RABEP1: variants seen among roughly 807,000 people sequenced by gnomAD.
The protein encoded by RABEP1 is rab GTPase-binding effector protein 1.
In RABEP1, 51 loss-of-function variants were observed where a neutral mutation model predicts 123.4. The observed-to-expected ratio is 0.41, with a 90% CI of 0.33 to 0.52. RABEP1 has a LOEUF of 0.52. Ranked by LOEUF, RABEP1 falls within the 20% of genes least tolerant of loss-of-function variation. The pLI, the probability that RABEP1 is intolerant of heterozygous loss-of-function variation, is 0.16. For missense variants in RABEP1, 888 were observed against 996.3 expected (o/e 0.89, Z 1.46); for synonymous variants, 347 against 355.2 (o/e 0.98, Z 0.26).
intron 2 of RABEP1, among the ~76,000 whole-genome samples, chr17:5,322,901 T>C (rs1324686061): frequency 3.9e-5 from 6 of 152,068 alleles, no homozygotes; most frequent in Admixed American, 3.9e-4. Context: ...ATGGTGAAAC[T>C]CCGTCTTTAC....
chr17:5,344,106 T>C (rs953495982), intron 5 of RABEP1, among the ~76,000 whole-genome samples: 10 of 152,202 alleles, frequency 6.6e-5, no homozygotes, highest in Admixed American at 3.3e-4. Flanking sequence ...AGCTACAGAC[T>C]ATAAGAAGAT....
In RABEP1 at chr17:5,377,112, C is replaced by G; in HGVS notation, c.2026-4C>G. 6.3e-7 allele frequency: 1 copy of G among 1,587,442 alleles called. No homozygotes were observed. Among genetic ancestry groups the G allele is most frequent in the Admixed American group, 2.0e-5 (1 of 50,948 alleles). On this transcript the variant is annotated splice_region_variant and splice_polypyrimidine_tract_variant and intron_variant, in intron 13 of 17. Transcript: ENST00000537505. ...CCCAATAATCATTTGTTTCTTGAAT[C>G]CAGGCACTGCGGGAGTTGGTATTAA...
chr17:5,371,660 T>C (rs559653828), intron 12 of RABEP1: 1 of 152,312 alleles, frequency 6.6e-6, no homozygotes, highest in East Asian at 1.9e-4. Context: ...CTTAGGCCTG[T>C]TTGTCCTTCA....
At chr17:5,302,777 C>T (rs1466325829) in intron 1 of RABEP1, among the ~76,000 whole-genome samples, 1 of 152,046 alleles carries the variant, frequency 6.6e-6, no homozygotes, top group Non-Finnish European at 1.5e-5. Context: ...GTCCTCCCAC[C>T]TTGGCCTCCC....
chr17:5,336,418 T>C (rs2144611915), intron 4 of RABEP1: 1 of 460,732 alleles, frequency 2.2e-6, no homozygotes, highest in East Asian at 5.8e-5. Flanking sequence ...TTTATTCTTA[T>C]TAACTGAAGT....
intron 2 of RABEP1, among the ~76,000 whole-genome samples, chr17:5,324,370 G>A (rs956361217): frequency 2.6e-5 from 4 of 152,180 alleles, no homozygotes; most frequent in Admixed American, 2.0e-4. Flanking sequence ...GTGGTAGGAT[G>A]ACTGGGTAAC....
intron 2 of RABEP1, among the ~76,000 whole-genome samples, chr17:5,319,890 A>T (rs2075336534): frequency 6.6e-6 from 1 of 152,186 alleles, no homozygotes; most frequent in African/African-American, 2.4e-5. Context: ...GTAGAAAATT[A>T]TTTCAAAAGA....
intron 4 of RABEP1, among the ~76,000 whole-genome samples, 158 bp downstream of exon 4, chr17:5,335,502 C>G (rs1338413642): frequency 6.6e-6 from 1 of 152,102 alleles, no homozygotes; most frequent in Non-Finnish European, 1.5e-5. Flanking sequence ...AATGTTATAT[C>G]TATGGCTAAC....
At chr17:5,371,365 C>T (rs1055270640) in intron 12 of RABEP1, 2 of 152,182 alleles carry the variant, frequency 1.3e-5, no homozygotes, top group African/African-American at 4.8e-5. Flanking sequence ...AAAATAAATA[C>T]TCAGCTCCAT....
chr17:5,371,724 A>T (rs551165701), intron 12 of RABEP1: 1 of 152,346 alleles, frequency 6.6e-6, no homozygotes, highest in South Asian at 2.1e-4. Flanking sequence ...CCCTCTTCCC[A>T]ATTTCCTGCC....
chr17:5,316,225 C>T (rs1410320951), intron 2 of RABEP1, among the ~76,000 whole-genome samples: 4 of 151,788 alleles, frequency 2.6e-5, no homozygotes, highest in South Asian at 2.1e-4. Context: ...CCGAGGCAGG[C>T]GGATTGCCTG....
At chr17:5,337,930 A>G in intron 4 of RABEP1, 89 bp from the exon 5 acceptor site, 7 of 1,392,656 alleles carry the variant, frequency 5.0e-6, no homozygotes, top group Non-Finnish European at 6.7e-6. Flanking sequence ...GTTACTTGTT[A>G]TAATAATTTT....
chr17:5,383,817 A>G lies in RABEP1; in HGVS notation c.*594A>G. 1 of 224,690 alleles carries G rather than the reference A, an allele frequency of 4.5e-6. No individual in the cohort carries two copies. The highest frequency in any genetic ancestry group is 2.2e-5 in the African/African-American group (1 of 44,876). The allele number at this position is 224,690 out of a possible 1,614,324, so 13.9% of individuals were successfully genotyped here. On this transcript the variant is annotated 3_prime_UTR_variant, in exon 18 of 18. Transcript: ENST00000537505. ...CTACTGAAACTTACCTGAGAACCAT[A>G]GGACTGTGGCAAACAAAACCAATTC... is the stretch of plus-strand genomic sequence containing the variant.
chr17:5,335,164 TA>T lies in RABEP1; in HGVS notation c.368-19del. Reference sequence around the variant, plus strand: ...TTTTTCATAATGCTTAGATGTGAAATATGTGGTGATGTTTTGTAGAAACAGT... The same window carrying T: ...TTTTTCATAATGCTTAGATGTGAAATTGTGGTGATGTTTTGTAGAAACAGT... On this transcript the variant is annotated intron_variant, in intron 3 of 17. Transcript: ENST00000537505. The T allele has an allele frequency of 6.3e-7, 1 of 1,578,838 alleles. No individual in the cohort carries two copies. Among genetic ancestry groups the T allele is most frequent in the South Asian group, 1.2e-5 (1 of 85,394 alleles).
intron 1 of RABEP1, among the ~76,000 whole-genome samples, chr17:5,285,729 TAAAG>T (rs2074971404): frequency 6.6e-6 from 1 of 152,198 alleles, no homozygotes; most frequent in Non-Finnish European, 1.5e-5. Context: ...ACACAGAAGT[TAAAG>T]AAACGTGCCT....
chr17:5,341,248 G>C (rs999246473), intron 5 of RABEP1, among the ~76,000 whole-genome samples: 1 of 151,386 alleles, frequency 6.6e-6, no homozygotes, highest in African/African-American at 2.4e-5. Flanking sequence ...TCCACTGCAC[G>C]CCAGCCTGGG....
At chr17:5,368,247 G>T in intron 11 of RABEP1, 123 bp from the exon 12 acceptor site, 1 of 679,018 alleles carries the variant, frequency 1.5e-6, no homozygotes. Context: ...TTGGATGATG[G>T]TCAGTGGTTC....
rs1911952918 is a variant in RABEP1 at position 5,386,206 on chromosome 17, T to C, written c.*2983T>C. 6.2e-7 allele frequency: 1 copy of C among 1,612,574 alleles called. No homozygotes were observed. The highest frequency in any genetic ancestry group is 8.5e-7 in the Non-Finnish European group (1 of 1,179,062). On this transcript the variant is annotated 3_prime_UTR_variant, in exon 18 of 18. Coordinates refer to ENST00000537505, the MANE Select transcript of RABEP1 (RefSeq NM_004703.6). ...AGGTGTGAGTCAGCTCCTGGTGGTG[T>C]CAGAAGTTTACATGATTGCGGATAT...
At chr17:5,317,419 C>T (rs948609901) in intron 2 of RABEP1, among the ~76,000 whole-genome samples, 1 of 152,096 alleles carries the variant, frequency 6.6e-6, no homozygotes, top group African/African-American at 2.4e-5. Flanking sequence ...GGAACTTTGT[C>T]AACCTGAAAA....
Sources: allele counts gnomAD v4.1 joint callset (sites outside exome capture counted in the v4.1 genomes callset), GRCh38; gene constraint gnomAD v4.1.1; transcripts MANE v1.5; gene names NCBI Gene and HGNC (gene_info 2026-07-23, HGNC 2026-07-21).